Variants in RALGAPA2 observed in about 807,000 individuals in gnomAD.
RALGAPA2 encodes Ral GTPase activating protein catalytic subunit alpha 2, also known as ral GTPase-activating protein subunit alpha-2.
In RALGAPA2, 139 loss-of-function variants were observed where a neutral mutation model predicts 230.4. That is an observed-to-expected ratio of 0.60 (90% CI 0.53 to 0.69). The LOEUF (loss-of-function observed/expected upper bound fraction) is 0.69, where lower values mean the gene tolerates loss of function less well. Among genes scored for constraint, RALGAPA2 ranks in the 30% least tolerant of loss-of-function variants. RALGAPA2 has a pLI of 0.00. For synonymous variants in RALGAPA2, 847 were observed against 837.8 expected (o/e 1.01, Z -0.19); for missense variants, 2,163 against 2,276.0 (o/e 0.95, Z 1.01).
chr20:20,648,471 T>C (rs1467471146), intron 4 of RALGAPA2, among the ~76,000 whole-genome samples: 1 of 152,148 alleles, frequency 6.6e-6, no homozygotes, highest in East Asian at 1.9e-4. Context: ...TCAAAACTTA[T>C]CAAAATGTGC....
intron 38 of RALGAPA2, among the ~76,000 whole-genome samples, chr20:20,403,662 T>C (rs2059892768): frequency 6.6e-6 from 1 of 152,194 alleles, no homozygotes; most frequent in Non-Finnish European, 1.5e-5. Flanking sequence ...GAGGCTGTGG[T>C]GCTAACTGGA....
chr20:20,596,038 TAAAAG>T (rs1602996128), intron 16 of RALGAPA2, among the ~76,000 whole-genome samples: 1 of 151,764 alleles, frequency 6.6e-6, no homozygotes, highest in East Asian at 1.9e-4. Context: ...AAAAAACAAA[TAAAAG>T]AAAATCACAA....
At chr20:20,602,461 T>C (rs1280409144) in intron 15 of RALGAPA2, among the ~76,000 whole-genome samples, 1 of 152,244 alleles carries the variant, frequency 6.6e-6, no homozygotes, top group East Asian at 1.9e-4. Context: ...TGAGAGGCTA[T>C]GGACCAAAAG....
intron 37 of RALGAPA2, among the ~76,000 whole-genome samples, chr20:20,413,149 G>A (rs1602296581): frequency 6.6e-6 from 1 of 152,298 alleles, no homozygotes; most frequent in African/African-American, 2.4e-5. Flanking sequence ...AATTCTCCGG[G>A]AACACAGGGA....
intron 23 of RALGAPA2, among the ~76,000 whole-genome samples, chr20:20,550,690 G>C (rs963827954): frequency 6.6e-6 from 1 of 152,334 alleles, no homozygotes; most frequent in East Asian, 1.9e-4. Context: ...ACTGTGGGCA[G>C]ATCATGTCAT....
chr20:20,416,747 C>T (rs187651881), intron 37 of RALGAPA2, among the ~76,000 whole-genome samples: 1 of 152,328 alleles, frequency 6.6e-6, no homozygotes, highest in Non-Finnish European at 1.5e-5. Flanking sequence ...TGTTGTTTAG[C>T]ACTATCAAGC....
At chr20:20,650,643 T>C (rs1198271838) in intron 4 of RALGAPA2, among the ~76,000 whole-genome samples, 2 of 152,176 alleles carry the variant, frequency 1.3e-5, no homozygotes, top group African/African-American at 4.8e-5. Flanking sequence ...CACTGGTTGG[T>C]GAGAAGGCCC....
At chr20:20,546,303 A>C (rs1280569905) in intron 24 of RALGAPA2, among the ~76,000 whole-genome samples, 4 of 152,158 alleles carry the variant, frequency 2.6e-5, no homozygotes, top group Non-Finnish European at 5.9e-5. Flanking sequence ...TTTCTATGAG[A>C]CTTATAATAA....
rs2069934067 is a variant in RALGAPA2, at chr20:20,712,583, G to A, written c.-103C>T. ...CCGGCGCGTGTCGCGCGGGCCACTC[G>A]CCGCCCCCAGCCCCGCTGCTGCCGC... On this transcript the variant is annotated 5_prime_UTR_variant, in exon 1 of 40. Transcript: ENST00000202677. The surrounding 1 kb of genome is among the most constrained non-coding windows in gnomAD (Gnocchi z 5.5). 7 of 1,263,880 alleles carry A rather than the reference G, an allele frequency of 5.5e-6. No individual in the cohort carries two copies. Among genetic ancestry groups the A allele is most frequent in the Admixed American group, 4.4e-5 (1 of 22,552 alleles). 78.3% of individuals were successfully genotyped at this position (1,263,880 alleles called of 1,614,324 possible).
chr20:20,651,402 A>G (rs951150451), intron 4 of RALGAPA2, among the ~76,000 whole-genome samples: 1 of 152,234 alleles, frequency 6.6e-6, no homozygotes, highest in Non-Finnish European at 1.5e-5. Flanking sequence ...ACATTCTGAA[A>G]TATTATTCAT....
intron 39 of RALGAPA2, among the ~76,000 whole-genome samples, 169 bp from the exon 40 acceptor site, chr20:20,393,422 A>C (rs765223051): frequency 9.2e-5 from 14 of 152,246 alleles, no homozygotes; most frequent in Non-Finnish European, 1.6e-4. Flanking sequence ...ATGAATAAAC[A>C]CATGAATGTC....
chr20:20,484,172 T>C (rs922487600), intron 36 of RALGAPA2, among the ~76,000 whole-genome samples: 1 of 152,248 alleles, frequency 6.6e-6, no homozygotes, highest in Non-Finnish European at 1.5e-5. Flanking sequence ...TAAGATATTG[T>C]ACCAAAAGAC....
intron 3 of RALGAPA2, among the ~76,000 whole-genome samples, chr20:20,655,255 C>T (rs577454830): frequency 4.9e-4 from 75 of 151,918 alleles, no homozygotes; most frequent in African/African-American, 1.8e-3. Context: ...AATATGTAAT[C>T]CTTCCAAGAT....
intron 2 of RALGAPA2, among the ~76,000 whole-genome samples, chr20:20,679,161 G>C (rs1228148047): frequency 6.6e-6 from 1 of 151,868 alleles, no homozygotes; most frequent in Non-Finnish European, 1.5e-5. Flanking sequence ...CTACACCAAG[G>C]TATCCCCCAT....
At chr20:20,535,058 AGGCAG>A (rs1457017342) in intron 26 of RALGAPA2, among the ~76,000 whole-genome samples, 2 of 152,216 alleles carry the variant, frequency 1.3e-5, no homozygotes, top group Non-Finnish European at 2.9e-5. Flanking sequence ...ATAGCTGGTA[AGGCAG>A]TGATGAATGA....
intron 3 of RALGAPA2, among the ~76,000 whole-genome samples, chr20:20,663,771 T>C (rs1325006515): frequency 6.6e-6 from 1 of 152,188 alleles, no homozygotes; most frequent in Non-Finnish European, 1.5e-5. Context: ...ATTGTATTTT[T>C]AGTACAGACG....
At chr20:20,579,953 T>G (rs1452844726) in intron 20 of RALGAPA2, among the ~76,000 whole-genome samples, 1 of 152,234 alleles carries the variant, frequency 6.6e-6, no homozygotes. Context: ...CAACTTTAAG[T>G]AAATGTCATA....
intron 36 of RALGAPA2, among the ~76,000 whole-genome samples, chr20:20,487,837 T>C (rs1172411425): frequency 3.3e-5 from 5 of 150,706 alleles, no homozygotes; most frequent in Non-Finnish European, 5.9e-5. Flanking sequence ...GCTTGAGCCC[T>C]GGAGGCAGAG....
chr20:20,517,373 T>G (rs1285614922), intron 31 of RALGAPA2, among the ~76,000 whole-genome samples: 1 of 152,158 alleles, frequency 6.6e-6, no homozygotes, highest in Non-Finnish European at 1.5e-5. Flanking sequence ...TAAAACTCAG[T>G]GCATCTAACT....
Sources: gnomAD v4.1 joint callset for allele counts (sites outside exome capture counted in the v4.1 genomes callset) on GRCh38, gnomAD v4.1.1 for gene constraint, Gnocchi (gnomAD v3.1) non-coding constraint, MANE v1.5 for transcripts, NCBI Gene and HGNC (gene_info 2026-07-23, HGNC 2026-07-21) for gene names.